Variants in YAF2 observed in about 807,000 individuals in gnomAD.
YAF2 encodes the protein YY1 associated factor 2.
A neutral mutation model predicts 20.1 loss-of-function variants in YAF2; 7 were observed. That is an observed-to-expected ratio of 0.35 (90% confidence interval 0.20 to 0.65). YAF2 has a LOEUF of 0.65. Among genes scored for constraint, YAF2 ranks in the 30% least tolerant of loss-of-function variants. The probability of loss-of-function intolerance (pLI) is 0.69; values close to 1 mark genes in which losing one functional copy is unlikely to be tolerated. For synonymous variants in YAF2, 74 were observed against 76.0 expected (o/e 0.97, Z 0.14); for missense variants, 151 against 219.2 (o/e 0.69, Z 1.96).
At chr12:42,187,229 T>G (rs531076533) in intron 2 of YAF2, among the ~76,000 whole-genome samples, 1 of 152,264 alleles carries the variant, frequency 6.6e-6, no homozygotes, top group South Asian at 2.1e-4. Flanking sequence ...CAATCATAGT[T>G]CACTGTGACC....
intron 2 of YAF2, among the ~76,000 whole-genome samples, chr12:42,170,990 G>GT (rs368620433): frequency 0.017 from 2,509 of 151,680 alleles, 65 homozygotes; most frequent in African/African-American, 0.057. Context: ...GAATTGTTTA[G>GT]TTTTTTTTTG....
At position 42,205,887 on chromosome 12, in the gene YAF2, G is replaced by T. The variant is rs959597486; in HGVS notation, c.152+31712C>A. On this transcript the variant is annotated intron_variant, in intron 2 of 3. Transcript: ENST00000534854. ...AATTTTGATACAACACTTTTGTTGTGATTTAGTTCTAATTATTTTGTAATT... is the reference window on the plus strand; with the variant it reads ...AATTTTGATACAACACTTTTGTTGTTATTTAGTTCTAATTATTTTGTAATT... The T allele has an allele frequency of 3.2e-5, 13 of 406,128 alleles. No individual in the cohort carries two copies. The Middle Eastern group carries it at 1.6e-3, about 51-fold the overall frequency. 25.2% of individuals were successfully genotyped at this position (406,128 alleles called of 1,614,324 possible).
chr12:42,185,998 C>T (rs141461696), intron 2 of YAF2, among the ~76,000 whole-genome samples: 25 of 151,856 alleles, frequency 1.6e-4, no homozygotes, highest in Non-Finnish European at 2.8e-4. Context: ...GTCAGGAGTT[C>T]GAGACCAGCC....
Position 42,238,220 on chromosome 12 carries a change from C to A in YAF2, c.-40G>T. 6.7e-7 allele frequency: 1 copy of A among 1,481,838 alleles called. No individual in the cohort carries two copies. Among genetic ancestry groups the A allele is most frequent in the Admixed American group, 2.0e-5 (1 of 48,906 alleles). The allele number at this position is 1,481,838 out of a possible 1,614,324, so 91.8% of individuals were successfully genotyped here. A position where few individuals can be genotyped will look rare whatever the true frequency, so the allele number is the denominator to read the frequency against. ...CGCACGCCGAGAGTCGCCGCCGCGA[C>A]CGCTCTGTTTGTCAATAAGGAGGAT... On this transcript the variant is annotated 5_prime_UTR_variant, in exon 1 of 4. Transcript: ENST00000534854.
chr12:42,160,678 C>T lies in YAF2; in HGVS notation c.454G>A (p.Gly152Ser), dbSNP rs751838921. ...AASADQHSQS[G>S]SSSDNTERGM... ...CTCTCTGTGTTATCAGAGCTAGAGC[C>T]GCTTTGACTGTGTTGATCTGCAGAA... Residue 152 changes from glycine to serine, a missense_variant, in exon 4 of 4, where the codon GGC becomes AGC. Physicochemically the swap from Gly to Ser is moderately conservative, Grantham distance 56. This residue lies in a region of YAF2 where 51 missense variants were observed against 48.9 expected (regional missense o/e 1.04). Coordinates refer to ENST00000534854, the MANE Select transcript of YAF2 (RefSeq NM_005748.6). The T allele has an allele frequency of 1.5e-5, 24 of 1,613,660 alleles. No homozygotes were observed. Among genetic ancestry groups the T allele is most frequent in the East Asian group, 2.2e-5 (1 of 44,888 alleles).
At chr12:42,230,321 A>G (rs563846018) in intron 2 of YAF2, among the ~76,000 whole-genome samples, 2 of 152,214 alleles carry the variant, frequency 1.3e-5, no homozygotes, top group African/African-American at 4.8e-5. Context: ...AAAAAGTACC[A>G]TATGATAAAA....
intron 2 of YAF2, among the ~76,000 whole-genome samples, chr12:42,162,713 T>C (rs2065825642): frequency 6.6e-6 from 1 of 151,968 alleles, no homozygotes; most frequent in African/African-American, 2.4e-5. Flanking sequence ...CAAGACAACA[T>C]AAAAAATAAT....
At chr12:42,207,689 A>G (rs370261463) in intron 2 of YAF2, among the ~76,000 whole-genome samples, 61 of 151,712 alleles carry the variant, frequency 4.0e-4, no homozygotes, top group Non-Finnish European at 6.2e-4. Context: ...TCAGGCGATC[A>G]AGACCATCCT....
chr12:42,202,154 C>G (rs1418159995), intron 2 of YAF2, among the ~76,000 whole-genome samples: 1 of 152,172 alleles, frequency 6.6e-6, no homozygotes, highest in Non-Finnish European at 1.5e-5. Flanking sequence ...TCTCTCCCTC[C>G]CGCCAAGGAA....
rs1222292168 is a variant in YAF2, at chr12:42,157,562, A to T, written c.*3027T>A. 1 of 152,192 alleles carries T rather than the reference A, an allele frequency of 6.6e-6. No individual in the cohort carries two copies. The highest frequency in any genetic ancestry group is 1.5e-5 in the Non-Finnish European group (1 of 68,034). 9.4% of individuals were successfully genotyped at this position (152,192 alleles called of 1,614,324 possible). A position where few individuals can be genotyped will look rare whatever the true frequency, so the allele number is the denominator to read the frequency against. On this transcript the variant is annotated 3_prime_UTR_variant, in exon 4 of 4. Transcript: ENST00000534854. ...ATTAATGCAGAGGCTACATTCTTTC[A>T]GTCTATAAGGATCTTTATCTAAAAG... is the stretch of plus-strand genomic sequence containing the variant.
intron 2 of YAF2, among the ~76,000 whole-genome samples, chr12:42,164,718 T>C (rs941625617): frequency 1.3e-5 from 2 of 151,828 alleles, no homozygotes; most frequent in South Asian, 2.1e-4. Context: ...TGTGAATCTG[T>C]TGATACTCTG....
chr12:42,180,204 A>C (rs1358303647), intron 2 of YAF2, among the ~76,000 whole-genome samples: 1 of 152,208 alleles, frequency 6.6e-6, no homozygotes, highest in Non-Finnish European at 1.5e-5. Context: ...TCTAATAAAT[A>C]GGATACAGCA....
intron 2 of YAF2, chr12:42,231,641 G>A (rs1433793499): frequency 2.0e-5 from 3 of 152,104 alleles, no homozygotes; most frequent in East Asian, 1.9e-4. Flanking sequence ...ATCATACATC[G>A]GTAACTAGGA....
intron 2 of YAF2, chr12:42,235,957 CTGTGGA>C (rs1398268742): frequency 5.9e-6 from 9 of 1,535,990 alleles, no homozygotes; most frequent in African/African-American, 1.4e-5. Flanking sequence ...CCAAGACTGG[CTGTGGA>C]GTAGGACACC....
At chr12:42,184,058 A>T (rs1464313010) in intron 2 of YAF2, among the ~76,000 whole-genome samples, 1 of 152,232 alleles carries the variant, frequency 6.6e-6, no homozygotes, top group Non-Finnish European at 1.5e-5. Context: ...TAGTGTACTG[A>T]ATTTAAAATA....
At chr12:42,227,796 G>A (rs1446782083) in intron 2 of YAF2, among the ~76,000 whole-genome samples, 1 of 140,762 alleles carries the variant, frequency 7.1e-6, no homozygotes, top group African/African-American at 2.9e-5. Context: ...GGAGGGAGGT[G>A]GGGGGGTCAG....
At chr12:42,189,901 A>G (rs2066569885) in intron 2 of YAF2, among the ~76,000 whole-genome samples, 1 of 152,232 alleles carries the variant, frequency 6.6e-6, no homozygotes, top group African/African-American at 2.4e-5. Context: ...AAACAGGTCA[A>G]TAGCGTATGT....
chr12:42,205,277 A>G (rs1182757095), intron 2 of YAF2, among the ~76,000 whole-genome samples: 2 of 152,058 alleles, frequency 1.3e-5, no homozygotes, highest in Non-Finnish European at 2.9e-5. Flanking sequence ...TTTAAATTTG[A>G]CTATCAGTCT....
intron 1 of YAF2, 99 bp downstream of exon 1, chr12:42,238,056 G>C: frequency 9.4e-7 from 1 of 1,069,000 alleles, no homozygotes; most frequent in Non-Finnish European, 1.2e-6. Context: ...CCCCGTGCTC[G>C]CCCCGGTGCC....
Sources: gnomAD v4.1 joint callset for allele counts (sites outside exome capture counted in the v4.1 genomes callset) on GRCh38, gnomAD v4.1.1 for gene constraint, gnomAD v4.1.1 regional missense constraint, MANE v1.5 for transcripts, NCBI Gene and HGNC (gene_info 2026-07-23, HGNC 2026-07-21) for gene names.